The following PPARGC1A variants were observed in gnomAD, a reference collection of about 807,000 sequenced individuals.
The protein encoded by PPARGC1A is PPARG coactivator 1 alpha.
In PPARGC1A, 25 loss-of-function variants were observed where a neutral mutation model predicts 88.7. The ratio of observed to expected loss-of-function variants is 0.28; its 90% CI spans 0.21 to 0.39. The LOEUF (loss-of-function observed/expected upper bound fraction) is 0.39, where lower values mean the gene tolerates loss of function less well. Ranked by LOEUF, PPARGC1A falls within the 10% of genes least tolerant of loss-of-function variation. The pLI, the probability that PPARGC1A is intolerant of heterozygous loss-of-function variation, is 1.00. For missense variants in PPARGC1A, 880 were observed against 968.7 expected (o/e 0.91, Z 1.22); for synonymous variants, 363 against 355.6 (o/e 1.02, Z -0.24).
chr4:23,835,577 G>A (rs1252954283), intron 2 of PPARGC1A, among the ~76,000 whole-genome samples: 1 of 151,674 alleles, frequency 6.6e-6, no homozygotes, highest in Non-Finnish European at 1.5e-5. Flanking sequence ...ATTATTTACG[G>A]TCTGTATCCA....
chr4:23,978,395 C>T, the PPARGC1A span, among the ~76,000 whole-genome samples: 5 of 152,176 alleles, frequency 3.3e-5, no homozygotes, highest in East Asian at 1.9e-4. Flanking sequence ...ATGTGATGAA[C>T]GAGGCAGCAT....
At chr4:23,993,813 G>C in the PPARGC1A span, among the ~76,000 whole-genome samples, 1 of 152,072 alleles carries the variant, frequency 6.6e-6, no homozygotes, top group South Asian at 2.1e-4. Context: ...AAGGAAGAAA[G>C]CTTTCTTTTT....
At chr4:24,181,635 G>T in the PPARGC1A span, among the ~76,000 whole-genome samples, 1 of 152,218 alleles carries the variant, frequency 6.6e-6, no homozygotes, top group East Asian at 1.9e-4. Context: ...CCTTAACTAG[G>T]TATGGACGAG....
upstream of PPARGC1A, among the ~76,000 whole-genome samples, chr4:23,905,302 C>T (rs1577713442): frequency 6.6e-6 from 1 of 152,222 alleles, no homozygotes; most frequent in South Asian, 2.1e-4. Flanking sequence ...ATCCACTCTT[C>T]GCCCCCAGAT....
chr4:24,362,787 T>C, the PPARGC1A span, among the ~76,000 whole-genome samples: 15 of 152,234 alleles, frequency 9.9e-5, no homozygotes, highest in Non-Finnish European at 1.8e-4. Context: ...GCACCACCAC[T>C]CACTTCCACA....
the PPARGC1A span, among the ~76,000 whole-genome samples, chr4:24,415,924 G>A: frequency 1.3e-5 from 2 of 152,152 alleles, no homozygotes; most frequent in African/African-American, 4.8e-5. Context: ...CTACCCATGA[G>A]GAGATTAAAA....
At chr4:24,040,440 T>C in the PPARGC1A span, among the ~76,000 whole-genome samples, 1 of 152,184 alleles carries the variant, frequency 6.6e-6, no homozygotes, top group African/African-American at 2.4e-5. Context: ...CTTCAAAACA[T>C]CTCTCTGTCA....
chr4:24,274,782 G>A, the PPARGC1A span, among the ~76,000 whole-genome samples: 1 of 152,034 alleles, frequency 6.6e-6, no homozygotes, highest in Non-Finnish European at 1.5e-5. Flanking sequence ...TTTTTAAGCT[G>A]CTATTGGCCC....
the PPARGC1A span, among the ~76,000 whole-genome samples, chr4:24,413,407 T>C: frequency 6.6e-6 from 1 of 152,098 alleles, no homozygotes; most frequent in Non-Finnish European, 1.5e-5. Flanking sequence ...GGTTACCAAC[T>C]GAGTAGATGG....
the PPARGC1A span, among the ~76,000 whole-genome samples, chr4:24,440,333 C>T: frequency 6.6e-6 from 1 of 152,176 alleles, no homozygotes; most frequent in African/African-American, 2.4e-5. Flanking sequence ...TTTCAAGCTC[C>T]TCATCGGTTT....
chr4:24,427,274 CTTTA>C, the PPARGC1A span, among the ~76,000 whole-genome samples: 3 of 148,104 alleles, frequency 2.0e-5, no homozygotes, highest in South Asian at 2.1e-4. Flanking sequence ...TGCATCTATT[CTTTA>C]TTTATTTTTT....
At position 23,793,842 on chromosome 4, in the gene PPARGC1A, C is replaced by T. The variant is rs1271498794; in HGVS notation, c.*1980G>A. ...AAAGCTGAATTTCCCAAATGAAGCACTTACACTCCAACCTGACAATTGTCA... is the reference window on the plus strand; with the variant it reads ...AAAGCTGAATTTCCCAAATGAAGCATTTACACTCCAACCTGACAATTGTCA... On this transcript the variant is annotated 3_prime_UTR_variant, in exon 13 of 13. Coordinates refer to ENST00000264867, the MANE Select transcript of PPARGC1A (RefSeq NM_013261.5). 2 of 152,338 alleles carry T rather than the reference C, an allele frequency of 1.3e-5. No individual in the cohort carries two copies. Among genetic ancestry groups the T allele is most frequent in the Non-Finnish European group, 2.9e-5 (2 of 68,014 alleles). The allele number at this position is 152,338 out of a possible 1,614,324, so 9.4% of individuals were successfully genotyped here. A position where few individuals can be genotyped will look rare whatever the true frequency, so the allele number is the denominator to read the frequency against.
chr4:24,116,350 C>A, the PPARGC1A span, among the ~76,000 whole-genome samples: 1 of 152,162 alleles, frequency 6.6e-6, no homozygotes, highest in South Asian at 2.1e-4. Context: ...AAAGCCATAT[C>A]AACATCTATT....
chr4:24,292,003 G>T, the PPARGC1A span, among the ~76,000 whole-genome samples: 3 of 152,184 alleles, frequency 2.0e-5, no homozygotes, highest in African/African-American at 7.2e-5. Flanking sequence ...GAAAACCTGC[G>T]AGAGTGACGT....
the PPARGC1A span, among the ~76,000 whole-genome samples, chr4:24,247,864 A>G: frequency 6.6e-6 from 1 of 152,096 alleles, no homozygotes; most frequent in Non-Finnish European, 1.5e-5. Context: ...AAATGTAAGC[A>G]CTTTTGGGGG....
the PPARGC1A span, among the ~76,000 whole-genome samples, chr4:24,216,235 C>A: frequency 6.6e-6 from 1 of 151,280 alleles, no homozygotes; most frequent in African/African-American, 2.4e-5. Flanking sequence ...GCAACCTTCA[C>A]CTCCTGGATT....
chr4:24,114,759 CA>C, the PPARGC1A span, among the ~76,000 whole-genome samples: 1 of 152,160 alleles, frequency 6.6e-6, no homozygotes, highest in Non-Finnish European at 1.5e-5. Context: ...GTTTAGGATG[CA>C]AACTACTGCC....
chr4:24,314,245 G>A, the PPARGC1A span, among the ~76,000 whole-genome samples: 1 of 152,178 alleles, frequency 6.6e-6, no homozygotes, highest in Non-Finnish European at 1.5e-5. Context: ...GCTATGGTTT[G>A]AATGTTCTTG....
the PPARGC1A span, among the ~76,000 whole-genome samples, chr4:24,254,275 A>G: frequency 6.6e-6 from 1 of 152,188 alleles, no homozygotes; most frequent in African/African-American, 2.4e-5. Context: ...TTGACAGGTA[A>G]GAAAATATGT....
Sources: allele counts gnomAD v4.1 joint callset (sites outside exome capture counted in the v4.1 genomes callset), GRCh38; gene constraint gnomAD v4.1.1; transcripts MANE v1.5; gene names NCBI Gene and HGNC (gene_info 2026-07-23, HGNC 2026-07-21).